TRPM2: variants seen among roughly 807,000 people sequenced by gnomAD.
TRPM2 encodes the protein estrogen-responsive element-associated gene 1 protein.
A neutral mutation model predicts 174.0 loss-of-function variants in TRPM2; 161 were observed. That is an observed-to-expected ratio of 0.93 (90% CI 0.81 to 1.05). The LOEUF (loss-of-function observed/expected upper bound fraction) is 1.05, where lower values mean the gene tolerates loss of function less well. Ranked by LOEUF, TRPM2 falls within the 50% of genes least tolerant of loss-of-function variation. The probability of loss-of-function intolerance (pLI) is 0.00; values close to 1 mark genes in which losing one functional copy is unlikely to be tolerated. For synonymous variants in TRPM2, 954 were observed against 861.3 expected (o/e 1.11, Z -1.88); for missense variants, 2,057 against 2,038.0 (o/e 1.01, Z -0.18).
At chr21:44,357,374 G>A (rs1287631560) in intron 2 of TRPM2, among the ~76,000 whole-genome samples, 1 of 152,200 alleles carries the variant, frequency 6.6e-6, no homozygotes, top group Non-Finnish European at 1.5e-5. Flanking sequence ...TGCTTCTGGA[G>A]GTCCCCAAAG....
Position 44,410,770 on chromosome 21 carries a change from A to T in TRPM2, c.2963-3121A>T, listed in dbSNP as rs545010310. Among the ~76,000 whole-genome samples the T allele has an allele frequency of 1.8e-4, 11 of 59,756 alleles. 3 individuals carry two copies. The highest frequency in any genetic ancestry group is 5.1e-4 in the African/African-American group (9 of 17,816). The allele number at this position is 59,756 out of a possible 152,430, so 39.2% of individuals were successfully genotyped here. ...GAGCGTAGCCTTGTAGTAAGTTTTG[A>T]CCACACTGTCTTGGTGAGCGTAGCC... On this transcript the variant is annotated intron_variant, in intron 19 of 31. Coordinates refer to ENST00000397928, the MANE Select transcript of TRPM2 (RefSeq NM_003307.4).
intron 7 of TRPM2, 72 bp downstream of exon 7, chr21:44,377,845 C>T (rs191790774): frequency 7.2e-5 from 111 of 1,550,556 alleles, no homozygotes; most frequent in Non-Finnish European, 9.6e-5. Context: ...TCCAAAAGTG[C>T]TTGTCTCAGA....
In TRPM2 at chr21:44,400,379, AG is replaced by A; in HGVS notation, c.2321+11del. ...CGGCCTCATCTCCTTCAGGTGCTGCAGGGCTGCGGGGCTGCGGGACTGTGGG... is the reference window on the plus strand; with the variant it reads ...CGGCCTCATCTCCTTCAGGTGCTGCAGGCTGCGGGGCTGCGGGACTGTGGG... On this transcript the variant is annotated intron_variant, in intron 15 of 31. Coordinates refer to ENST00000397928, the MANE Select transcript of TRPM2 (RefSeq NM_003307.4). The A allele has an allele frequency of 6.2e-7, 1 of 1,607,384 alleles. No individual in the cohort carries two copies. The highest frequency in any genetic ancestry group is 8.5e-7 in the Non-Finnish European group (1 of 1,178,568).
rs2051051230 is a variant in TRPM2 at position 44,432,259 on chromosome 21, C to T, written c.3975-2872C>T. ...TCCCTCTGAGGGCTTGAGGGGAGACCTCTTCCTGCCTCTCCAGCTCCTGGT... is the reference window on the plus strand; with the variant it reads ...TCCCTCTGAGGGCTTGAGGGGAGACTTCTTCCTGCCTCTCCAGCTCCTGGT... On this transcript the variant is annotated intron_variant, in intron 27 of 31. Coordinates refer to ENST00000397928, the MANE Select transcript of TRPM2 (RefSeq NM_003307.4). The surrounding 1 kb of genome is among the most constrained non-coding windows in gnomAD (Gnocchi z 4.9). Among the ~76,000 whole-genome samples the T allele has an allele frequency of 6.6e-6, 1 of 152,180 alleles. No homozygotes were observed.
At chr21:44,421,048 G>A (rs1328001894) in intron 22 of TRPM2, among the ~76,000 whole-genome samples, 7 of 152,124 alleles carry the variant, frequency 4.6e-5, no homozygotes, top group African/African-American at 7.2e-5. Context: ...GGCCGGGCGC[G>A]GTGGCTCACG....
At chr21:44,433,263 G>A (rs1306443256) in intron 27 of TRPM2, among the ~76,000 whole-genome samples, 1 of 152,264 alleles carries the variant, frequency 6.6e-6, no homozygotes, top group Non-Finnish European at 1.5e-5. Flanking sequence ...GGGGCCCAGA[G>A]CTTCCTGTGG....
At position 44,401,885 on chromosome 21, in the gene TRPM2, G is replaced by C; in HGVS notation, c.2526G>C (p.Glu842Asp). 6.2e-7 allele frequency: 1 copy of C among 1,613,772 alleles called. No individual in the cohort carries two copies. Among genetic ancestry groups the C allele is most frequent in the South Asian group, 1.1e-5 (1 of 91,078 alleles). ...TCTGGCTCTTCTCCTTGGTGTGCGAGGAGATGCGGCAGGTACAGCCCCACC... is the reference window on the plus strand; with the variant it reads ...TCTGGCTCTTCTCCTTGGTGTGCGACGAGATGCGGCAGGTACAGCCCCACC... Reference protein sequence around the residue: ...IYLWLFSLVCEEMRQLFYDPD... With the variant: ...IYLWLFSLVCDEMRQLFYDPD... Residue 842 changes from glutamate to aspartate, a missense_variant, in exon 16 of 32, where the codon GAG becomes GAC. Physicochemically the swap from Glu to Asp is conservative, Grantham distance 45. Coordinates refer to ENST00000397928, the MANE Select transcript of TRPM2 (RefSeq NM_003307.4).
chr21:44,437,235 T>C lies in TRPM2; in HGVS notation c.4167+68T>C, dbSNP rs184857583. 12 of 1,439,128 alleles carry C rather than the reference T, an allele frequency of 8.3e-6. No homozygotes were observed. In the East Asian group the frequency reaches 2.2e-4, roughly 27 times the overall value. 89.1% of individuals were successfully genotyped at this position (1,439,128 alleles called of 1,614,324 possible). A position where few individuals can be genotyped will look rare whatever the true frequency, so the allele number is the denominator to read the frequency against. ...GTGGGTCACTCGTCCATTCATCCATTCTGCCCACGGACTGGACACCAGCCC... is the reference window on the plus strand; with the variant it reads ...GTGGGTCACTCGTCCATTCATCCATCCTGCCCACGGACTGGACACCAGCCC... On this transcript the variant is annotated intron_variant, in intron 29 of 31. Transcript: ENST00000397928.
Position 44,366,040 on chromosome 21 carries a change from G to A in TRPM2, c.424-714G>A, listed in dbSNP as rs2146150372. On this transcript the variant is annotated intron_variant, in intron 3 of 31. Coordinates refer to ENST00000397928, the MANE Select transcript of TRPM2 (RefSeq NM_003307.4). This position sits in a 1 kb window ranked among gnomAD's most constrained non-coding sequence, Gnocchi z 6.0. ...TGTCTCTGCTAGGCCAATCCCGGCG[G>A]AGATTGCAGACCCCGCTGGGTCTCT... 6.6e-6 allele frequency among the ~76,000 whole-genome samples: 1 copy of A among 152,352 alleles called. No homozygotes were observed. The highest frequency in any genetic ancestry group is 2.4e-5 in the African/African-American group (1 of 41,580).
At position 44,437,156 on chromosome 21, in the gene TRPM2, G is replaced by A. The variant is rs2051303493; in HGVS notation, c.4156G>A (p.Ala1386Thr). 6.4e-7 allele frequency: 1 copy of A among 1,551,224 alleles called. No homozygotes were observed. Among genetic ancestry groups the A allele is most frequent in the African/African-American group, 1.4e-5 (1 of 73,170 alleles). The change falls in exon 29 of 32, where the codon GCC becomes ACC. Residue 1386 changes from alanine to threonine, a missense_variant. By Grantham distance (58) the Ala-to-Thr change is moderately conservative. Transcript: ENST00000397928. ...VVKLPLSEHW[A>T]LPGGSREPGE... ...GAAGCTCCCTCTCTCCGAGCACTGGGCCCTGCCTGGGGTAAGGCTGCCGCG... is the reference window on the plus strand; with the variant it reads ...GAAGCTCCCTCTCTCCGAGCACTGGACCCTGCCTGGGGTAAGGCTGCCGCG...
At position 44,384,226 on chromosome 21, in the gene TRPM2, A is replaced by G. The variant is rs146328093; in HGVS notation, c.1318+1406A>G. Among the ~76,000 whole-genome samples the G allele has an allele frequency of 4.6e-3, 706 of 152,370 alleles. 5 individuals are homozygous for G. Among genetic ancestry groups the G allele is most frequent in the African/African-American group, 0.017 (687 of 41,598 alleles). ...ATTCTGTGAATAATTGTATGCCAAC[A>G]TGTTGGATAACCTAGATGTGTTAGT... On this transcript the variant is annotated intron_variant, in intron 9 of 31. Transcript: ENST00000397928.
rs778411960 is a variant in TRPM2 at position 44,391,999 on chromosome 21, C to G, written c.1794+374C>G. On this transcript the variant is annotated intron_variant, in intron 11 of 31. Transcript: ENST00000397928. This position sits in a 1 kb window ranked among gnomAD's most constrained non-coding sequence, Gnocchi z 5.0. ...TATTTTTTTGAGACAGGGTCTCACT[C>G]TGTCGTCCAGGCTGGAGTGCAGTGG... Among the ~76,000 whole-genome samples the G allele has an allele frequency of 2.0e-5, 3 of 152,156 alleles. No homozygotes were observed. Among genetic ancestry groups the G allele is most frequent in the South Asian group, 2.1e-4 (1 of 4,826 alleles).
At chr21:44,364,327 T>C (rs2048298726) in intron 3 of TRPM2, 45 bp downstream of exon 3, 11 of 1,600,840 alleles carry the variant, frequency 6.9e-6, no homozygotes, top group Non-Finnish European at 9.4e-6. Flanking sequence ...TGGAGCTGCA[T>C]GGCCCCACAG....
chr21:44,373,568 C>T (rs1446527216), intron 5 of TRPM2, among the ~76,000 whole-genome samples: 1 of 103,260 alleles, frequency 9.7e-6, no homozygotes, highest in African/African-American at 3.2e-5. Context: ...GCATTATATG[C>T]GACCTGCATT....
chr21:44,400,606 C>T (rs1445047021), intron 15 of TRPM2, among the ~76,000 whole-genome samples: 8 of 152,220 alleles, frequency 5.3e-5, no homozygotes, highest in East Asian at 3.8e-4. Context: ...CTGATGAGCC[C>T]GTCCCTCAGC....
Position 44,376,787 on chromosome 21 carries a change from G to A in TRPM2, c.952+774G>A, listed in dbSNP as rs377720210. 6.6e-6 allele frequency among the ~76,000 whole-genome samples: 1 copy of A among 152,188 alleles called. No homozygotes were observed. Among genetic ancestry groups the A allele is most frequent in the African/African-American group, 2.4e-5 (1 of 41,426 alleles). ...GCTGGGGTCCCTTGCAGGGTTCCTT[G>A]TGCATCGAACTCCCCTGGAGGGTTC... On this transcript the variant is annotated intron_variant, in intron 6 of 31. Coordinates refer to ENST00000397928, the MANE Select transcript of TRPM2 (RefSeq NM_003307.4). The surrounding 1 kb of genome is among the most constrained non-coding windows in gnomAD (Gnocchi z 4.2).
rs1459306301 is a variant in TRPM2, at chr21:44,438,489, G to A, written c.4168-578G>A. On this transcript the variant is annotated intron_variant, in intron 29 of 31. Coordinates refer to ENST00000397928, the MANE Select transcript of TRPM2 (RefSeq NM_003307.4). The surrounding 1 kb of genome is among the most constrained non-coding windows in gnomAD (Gnocchi z 5.9). ...GGACCGTCTTGACGTGGCCTGCAAA[G>A]TCTTCATGAGAAACCCACGGGTGTT... 6.6e-6 allele frequency among the ~76,000 whole-genome samples: 1 copy of A among 152,206 alleles called. No individual in the cohort carries two copies. Among genetic ancestry groups the A allele is most frequent in the African/African-American group, 2.4e-5 (1 of 41,460 alleles).
intron 27 of TRPM2, among the ~76,000 whole-genome samples, chr21:44,434,084 C>T (rs558712343): frequency 2.0e-5 from 3 of 152,128 alleles, no homozygotes; most frequent in Admixed American, 6.5e-5. Context: ...CACGCACTGC[C>T]GCGCAGACTC....
intron 2 of TRPM2, among the ~76,000 whole-genome samples, chr21:44,360,300 TG>T (rs1339044176): frequency 6.6e-6 from 1 of 152,176 alleles, no homozygotes; most frequent in Non-Finnish European, 1.5e-5. Context: ...TCCTGAAGGC[TG>T]GCGACTCGGG....
Sources: allele counts gnomAD v4.1 joint callset (sites outside exome capture counted in the v4.1 genomes callset), GRCh38; gene constraint gnomAD v4.1.1; non-coding constraint Gnocchi (gnomAD v3.1); transcripts MANE v1.5; gene names NCBI Gene and HGNC (gene_info 2026-07-23, HGNC 2026-07-21).